PTPRD: variants seen among roughly 807,000 people sequenced by gnomAD.
PTPRD encodes the protein receptor-type tyrosine-protein phosphatase delta.
A neutral mutation model predicts 214.5 loss-of-function variants in PTPRD; 34 were observed. The ratio of observed to expected loss-of-function variants is 0.16; its 90% CI spans 0.12 to 0.21. The LOEUF is 0.21. Ranked by LOEUF, PTPRD falls within the 10% of genes least tolerant of loss-of-function variation. The pLI is 1.00. For missense variants in PTPRD, 2,545 were observed against 2,398.7 expected, an observed-to-expected ratio of 1.06 and a Z score of -1.27; for synonymous variants, 1,128 against 845.7, an observed-to-expected ratio of 1.33 and a Z score of -5.79.
chr9:9,037,598 A>G (rs992221922), intron 10 of PTPRD, among the ~76,000 whole-genome samples: 1 of 152,146 alleles, frequency 6.6e-6, no homozygotes. Context: ...ACCAGGAGAG[A>G]TCAGTTTTAT....
chr9:8,952,316 C>T (rs193084924), intron 11 of PTPRD, among the ~76,000 whole-genome samples: 2 of 152,028 alleles, frequency 1.3e-5, no homozygotes, highest in African/African-American at 4.8e-5. Flanking sequence ...GATAAAAATT[C>T]AGCATATTAA....
intron 11 of PTPRD, among the ~76,000 whole-genome samples, chr9:8,826,471 C>A (rs763878811): frequency 6.6e-6 from 1 of 152,146 alleles, no homozygotes; most frequent in Non-Finnish European, 1.5e-5. Context: ...CCACCACCCT[C>A]CAGCCCTGCT....
chr9:10,571,570 G>A (rs563409372), intron 2 of PTPRD, among the ~76,000 whole-genome samples: 3 of 152,096 alleles, frequency 2.0e-5, no homozygotes, highest in Non-Finnish European at 4.4e-5. Context: ...GTGAACCTCA[G>A]TTCCCTCATC....
chr9:9,277,795 C>T (rs1946231522), intron 9 of PTPRD, among the ~76,000 whole-genome samples: 1 of 151,232 alleles, frequency 6.6e-6, no homozygotes, highest in Admixed American at 6.6e-5. Flanking sequence ...TTGGAAGTAC[C>T]ATTGTGGGCT....
intron 9 of PTPRD, among the ~76,000 whole-genome samples, chr9:9,207,507 G>C (rs1204371248): frequency 6.6e-6 from 1 of 152,066 alleles, no homozygotes; most frequent in Non-Finnish European, 1.5e-5. Context: ...AAAGCTATTA[G>C]ACTGACAAAA....
intron 3 of PTPRD, among the ~76,000 whole-genome samples, chr9:10,098,944 A>G (rs1224566240): frequency 6.6e-6 from 1 of 151,690 alleles, no homozygotes; most frequent in Non-Finnish European, 1.5e-5. Flanking sequence ...GCAAGAAGTC[A>G]AATAGAATTT....
At chr9:8,752,127 T>A (rs976329040) in intron 11 of PTPRD, among the ~76,000 whole-genome samples, 6 of 152,060 alleles carry the variant, frequency 3.9e-5, no homozygotes, top group African/African-American at 1.4e-4. Flanking sequence ...AGGGGCTGGG[T>A]AAAATGAGGC....
intron 7 of PTPRD, among the ~76,000 whole-genome samples, chr9:9,650,191 T>C (rs899416286): frequency 6.6e-6 from 1 of 152,170 alleles, no homozygotes; most frequent in Non-Finnish European, 1.5e-5. Flanking sequence ...ACCACTCTCC[T>C]GTCACCATGT....
chr9:10,005,871 A>G (rs2096463113), intron 4 of PTPRD, among the ~76,000 whole-genome samples: 1 of 152,130 alleles, frequency 6.6e-6, no homozygotes, highest in Non-Finnish European at 1.5e-5. Context: ...ATTGTACTAA[A>G]ATATACAAAA....
chr9:9,389,034 G>T (rs987827749), intron 9 of PTPRD, among the ~76,000 whole-genome samples: 1 of 151,990 alleles, frequency 6.6e-6, no homozygotes, highest in Non-Finnish European at 1.5e-5. Context: ...TCTGACTTTG[G>T]GCAAGTAACT....
rs566410999 is a variant in PTPRD, at chr9:9,484,013, T to C, written c.-236-86531A>G. ...CATATAATAGTATTTTACTATCTTCTATAGGTGACTCATCTTTGTATCCTT... is the reference window on the plus strand; with the variant it reads ...CATATAATAGTATTTTACTATCTTCCATAGGTGACTCATCTTTGTATCCTT... On this transcript the variant is annotated intron_variant, in intron 8 of 45. Transcript: ENST00000381196. Among the ~76,000 whole-genome samples, 55 of 152,052 alleles carry C rather than the reference T, an allele frequency of 3.6e-4. No homozygotes were observed. The East Asian group carries it at 9.9e-3, about 27-fold the overall frequency.
chr9:10,148,101 C>A (rs919855978), intron 3 of PTPRD, among the ~76,000 whole-genome samples: 3 of 152,102 alleles, frequency 2.0e-5, no homozygotes, highest in African/African-American at 7.2e-5. Context: ...CTATTTTCAA[C>A]TATGAAGAAG....
In PTPRD at chr9:9,827,790, A is replaced by T. The variant is rs138822261; in HGVS notation, c.-367-60939T>A. 5.8e-3 allele frequency among the ~76,000 whole-genome samples: 881 copies of T among 152,194 alleles called. 7 individuals are homozygous for T. Among genetic ancestry groups the T allele is most frequent in the African/African-American group, 0.02 (838 of 41,548 alleles). On this transcript the variant is annotated intron_variant, in intron 5 of 45. Coordinates refer to ENST00000381196, the MANE Select transcript of PTPRD (RefSeq NM_002839.4). ...AAGGGCTAATATCTAGAATCTACAAAGAACTCAAACAAATTTACAAGAAAA... is the reference window on the plus strand; with the variant it reads ...AAGGGCTAATATCTAGAATCTACAATGAACTCAAACAAATTTACAAGAAAA...
rs574687028 is a variant in PTPRD, at chr9:9,076,688, C to T, written c.-142-57953G>A. Among the ~76,000 whole-genome samples, 101 of 152,084 alleles carry T rather than the reference C, an allele frequency of 6.6e-4. 3 individuals carry two copies. In the South Asian group the frequency reaches 0.02, roughly 31 times the overall value. ...TGTGTGAATGTACATTTTCTTTATC[C>T]ATTCATCTGAGGATGGACATTAGGT... is the stretch of plus-strand genomic sequence containing the variant. On this transcript the variant is annotated intron_variant, in intron 10 of 45. Coordinates refer to ENST00000381196, the MANE Select transcript of PTPRD (RefSeq NM_002839.4).
At chr9:10,302,836 T>A (rs2095908047) in intron 3 of PTPRD, among the ~76,000 whole-genome samples, 1 of 152,136 alleles carries the variant, frequency 6.6e-6, no homozygotes, top group African/African-American at 2.4e-5. Flanking sequence ...CACCCCACTG[T>A]CAATATTAGA....
At chr9:9,236,429 GA>G (rs2099966784) in intron 9 of PTPRD, among the ~76,000 whole-genome samples, 2 of 151,846 alleles carry the variant, frequency 1.3e-5, no homozygotes, top group Admixed American at 1.3e-4. Flanking sequence ...AATTAGATTA[GA>G]AACAAAGTTA....
chr9:8,365,040 T>TA (rs1418416146), intron 39 of PTPRD, among the ~76,000 whole-genome samples: 2 of 152,112 alleles, frequency 1.3e-5, no homozygotes, highest in Non-Finnish European at 2.9e-5. Flanking sequence ...GAAAACATAC[T>TA]AGACCCGCAG....
chr9:8,556,508 A>T (rs947628201), intron 14 of PTPRD, among the ~76,000 whole-genome samples: 5 of 152,066 alleles, frequency 3.3e-5, no homozygotes, highest in African/African-American at 9.7e-5. Flanking sequence ...AAAGCACTTA[A>T]TTAGCAAAGG....
intron 10 of PTPRD, among the ~76,000 whole-genome samples, chr9:9,047,115 A>G: frequency 6.6e-6 from 1 of 152,152 alleles, no homozygotes; most frequent in East Asian, 1.9e-4. Context: ...CTTTATGCCA[A>G]CAGTGTACAA....
Sources: gnomAD v4.1 joint callset for allele counts (sites outside exome capture counted in the v4.1 genomes callset) on GRCh38, gnomAD v4.1.1 for gene constraint, MANE v1.5 for transcripts, NCBI Gene and HGNC (gene_info 2026-07-23, HGNC 2026-07-21) for gene names.